MAGI2: variants seen among roughly 807,000 people sequenced by gnomAD.
The protein encoded by MAGI2 is membrane associated guanylate kinase, WW and PDZ domain containing 2.
Under a neutral mutation model 133.3 loss-of-function variants are expected in MAGI2, and 35 were observed. The observed-to-expected ratio is 0.26, with a 90% confidence interval of 0.20 to 0.35. The LOEUF is 0.35. MAGI2 is among the 10% of genes least tolerant of loss of function. The pLI is 1.00. For missense variants in MAGI2, 1,636 were observed against 1,863.4 expected (o/e 0.88, Z 2.25); for synonymous variants, 729 against 710.6 (o/e 1.03, Z -0.41).
intron 2 of MAGI2, among the ~76,000 whole-genome samples, chr7:78,758,084 C>T (rs1824135988): frequency 6.6e-6 from 1 of 152,066 alleles, no homozygotes; most frequent in Non-Finnish European, 1.5e-5. Context: ...GCTCTGGCCT[C>T]CCTTCTAAAA....
At chr7:79,348,433 C>T (rs994645559) in intron 1 of MAGI2, among the ~76,000 whole-genome samples, 19 of 151,806 alleles carry the variant, frequency 1.3e-4, no homozygotes, top group Non-Finnish European at 1.9e-4. Context: ...GATGCTAGTA[C>T]ATAACTATAG....
intron 9 of MAGI2, among the ~76,000 whole-genome samples, chr7:78,308,159 C>T (rs1287565691): frequency 6.6e-6 from 1 of 152,146 alleles, no homozygotes; most frequent in Non-Finnish European, 1.5e-5. Flanking sequence ...AGTGCCAGTG[C>T]CATTCTAATG....
At position 78,856,798 on chromosome 7, in the gene MAGI2, G is replaced by A. The variant is rs551629197; in HGVS notation, c.418+150292C>T. On this transcript the variant is annotated intron_variant, in intron 2 of 21. Coordinates refer to ENST00000354212, the MANE Select transcript of MAGI2 (RefSeq NM_012301.4). ...TTCCAATTCTGTGAAGAAAGTCATTGGTAGCTTGATGGGGATGGCATTGAA... is the reference window on the plus strand; with the variant it reads ...TTCCAATTCTGTGAAGAAAGTCATTAGTAGCTTGATGGGGATGGCATTGAA... Among the ~76,000 whole-genome samples, 5 of 152,280 alleles carry A rather than the reference G, an allele frequency of 3.3e-5. No individual in the cohort carries two copies. The South Asian group carries it at 6.2e-4, about 19-fold the overall frequency.
chr7:78,185,675 A>G lies in MAGI2; in HGVS notation c.2270-5T>C. The stretch of plus-strand genomic sequence containing the variant: ...TGGTCCTGGGTGGCACTTGTTCTGG[A>G]TGGGAAAATGGGGAATTAAAGTTGA... On this transcript the variant is annotated splice_region_variant and splice_polypyrimidine_tract_variant and intron_variant, in intron 12 of 21. Coordinates refer to ENST00000354212, the MANE Select transcript of MAGI2 (RefSeq NM_012301.4). 6.4e-7 allele frequency: 1 copy of G among 1,565,918 alleles called. No individual in the cohort carries two copies. Among genetic ancestry groups the G allele is most frequent in the South Asian group, 1.2e-5 (1 of 83,540 alleles).
chr7:78,147,910 A>C (rs1044931952), intron 16 of MAGI2, among the ~76,000 whole-genome samples: 1 of 152,088 alleles, frequency 6.6e-6, no homozygotes. Context: ...TAAAAAAACC[A>C]TAAAACCTAA....
chr7:79,326,968 A>G (rs1839742644), intron 1 of MAGI2, among the ~76,000 whole-genome samples: 1 of 152,218 alleles, frequency 6.6e-6, no homozygotes, highest in South Asian at 2.1e-4. Context: ...CTCTAAAACC[A>G]CAATCATGAG....
chr7:78,607,752 G>A (rs927582922), intron 3 of MAGI2, among the ~76,000 whole-genome samples: 3 of 152,124 alleles, frequency 2.0e-5, no homozygotes, highest in Admixed American at 6.5e-5. Context: ...ATGCCTTTGT[G>A]CTCTATGTTA....
intron 2 of MAGI2, chr7:78,770,963 A>G (rs938655389): frequency 1.3e-5 from 2 of 152,176 alleles, no homozygotes; most frequent in African/African-American, 4.8e-5. Flanking sequence ...ATTCGCAGAT[A>G]AAAATAATTT....
intron 2 of MAGI2, among the ~76,000 whole-genome samples, chr7:78,997,287 C>T (rs1465807066): frequency 6.6e-6 from 1 of 152,086 alleles, no homozygotes; most frequent in Non-Finnish European, 1.5e-5. Flanking sequence ...TGATCCAATT[C>T]CAAACTTCTG....
At chr7:78,354,976 G>A (rs1170725808) in intron 7 of MAGI2, among the ~76,000 whole-genome samples, 1 of 152,156 alleles carries the variant, frequency 6.6e-6, no homozygotes, top group Admixed American at 6.5e-5. Context: ...TAAAGGTTCA[G>A]CAGCCCCAAG....
intron 2 of MAGI2, among the ~76,000 whole-genome samples, chr7:78,829,970 A>G (rs1440936878): frequency 6.6e-6 from 1 of 152,072 alleles, no homozygotes; most frequent in Non-Finnish European, 1.5e-5. Flanking sequence ...GAAAGTTCCT[A>G]TAGACTATAG....
chr7:79,137,204 G>T (rs1334404862), intron 1 of MAGI2, among the ~76,000 whole-genome samples: 1 of 152,096 alleles, frequency 6.6e-6, no homozygotes, highest in African/African-American at 2.4e-5. Context: ...TCTGAGAGGG[G>T]AGAAAAGAGT....
chr7:79,261,232 C>T (rs1834063612), intron 1 of MAGI2, among the ~76,000 whole-genome samples: 1 of 152,206 alleles, frequency 6.6e-6, no homozygotes, highest in African/African-American at 2.4e-5. Flanking sequence ...TCTCTCACTT[C>T]TTACATTCAC....
intron 1 of MAGI2, among the ~76,000 whole-genome samples, chr7:79,387,094 T>TGTGTGTGTGTG: frequency 2.8e-5 from 4 of 141,588 alleles, no homozygotes; most frequent in East Asian, 2.1e-4. Flanking sequence ...ATTTTTATGC[T>TGTGTGTGTGTG]TGTGTGTGTG....
At chr7:79,388,622 T>C (rs376113617) in intron 1 of MAGI2, among the ~76,000 whole-genome samples, 1 of 151,078 alleles carries the variant, frequency 6.6e-6, no homozygotes, top group East Asian at 1.9e-4. Flanking sequence ...ATTTAGAGAG[T>C]TGCCTCACCC....
rs554584923 is a variant in MAGI2, at chr7:78,090,144, C to G, written c.3568-11059G>C. Reference sequence around the variant, plus strand: ...TCTTCAAGGCTCTGCTCAAATCCTCCAAGAAGCCATTGCTGGTCACTCCAG... The same window carrying G: ...TCTTCAAGGCTCTGCTCAAATCCTCGAAGAAGCCATTGCTGGTCACTCCAG... On this transcript the variant is annotated intron_variant, in intron 20 of 21. Coordinates refer to ENST00000354212, the MANE Select transcript of MAGI2 (RefSeq NM_012301.4). 2.0e-5 allele frequency among the ~76,000 whole-genome samples: 3 copies of G among 152,302 alleles called. No homozygotes were observed. In the South Asian group the frequency reaches 6.2e-4, roughly 32 times the overall value.
chr7:79,280,412 A>G lies in MAGI2; in HGVS notation c.301+172608T>C, dbSNP rs144405461. ...ATATAAAGATACCTATCCAAGTCCA[A>G]TGGAATCTAGGATGTAAGAGGTATC... is the stretch of plus-strand genomic sequence containing the variant. On this transcript the variant is annotated intron_variant, in intron 1 of 21. Transcript: ENST00000354212. Among the ~76,000 whole-genome samples, 536 of 152,260 alleles carry G rather than the reference A, an allele frequency of 3.5e-3. 2 individuals carry two copies. The highest frequency in any genetic ancestry group is 0.012 in the African/African-American group (509 of 41,556).
intron 1 of MAGI2, among the ~76,000 whole-genome samples, chr7:79,218,468 T>C (rs533438961): frequency 2.0e-5 from 3 of 152,172 alleles, no homozygotes; most frequent in African/African-American, 7.2e-5. Flanking sequence ...TCTGTTACTT[T>C]CTCTATAAAA....
At chr7:79,145,783 T>C (rs1008381991) in intron 1 of MAGI2, among the ~76,000 whole-genome samples, 3 of 152,218 alleles carry the variant, frequency 2.0e-5, no homozygotes, top group African/African-American at 7.2e-5. Flanking sequence ...ACATTTGTTT[T>C]CTCTAACCAA....
Sources: gnomAD v4.1 joint callset for allele counts (sites outside exome capture counted in the v4.1 genomes callset) on GRCh38, gnomAD v4.1.1 for gene constraint, MANE v1.5 for transcripts, NCBI Gene and HGNC (gene_info 2026-07-23, HGNC 2026-07-21) for gene names.